The following KCNQ1 variants were observed in gnomAD, a reference collection of about 807,000 sequenced individuals.
The protein encoded by KCNQ1 is potassium voltage-gated channel subfamily KQT member 1.
A neutral mutation model predicts 72.4 loss-of-function variants in KCNQ1; 49 were observed. The ratio of observed to expected loss-of-function variants is 0.68; its 90% confidence interval spans 0.54 to 0.86. KCNQ1 has a LOEUF of 0.86. Ranked by LOEUF, KCNQ1 falls within the 40% of genes least tolerant of loss-of-function variation. The pLI, the probability that KCNQ1 is intolerant of heterozygous loss-of-function variation, is 0.00. For synonymous variants in KCNQ1, 450 were observed against 412.6 expected (o/e 1.09, Z -1.10); for missense variants, 790 against 945.1 (o/e 0.84, Z 2.15).
rs1847884406 is a variant in KCNQ1, at chr11:2,544,913, G to A, written c.477+16895G>A. Among the ~76,000 whole-genome samples the A allele has an allele frequency of 6.6e-6, 1 of 152,152 alleles. No homozygotes were observed. The highest frequency in any genetic ancestry group is 1.9e-4 in the East Asian group (1 of 5,200). On this transcript the variant is annotated intron_variant, in intron 2 of 15. Coordinates refer to ENST00000155840, the MANE Select transcript of KCNQ1 (RefSeq NM_000218.3). The surrounding 1 kb of genome is among the most constrained non-coding windows in gnomAD (Gnocchi z 4.4). ...ACACACATCATTGTTCACCGTCAAG[G>A]GTGATGTTGGCTCTGGGTTTCCATA...
At chr11:2,648,037 A>G in intron 10 of KCNQ1, 1 of 391,416 alleles carries the variant, frequency 2.6e-6, no homozygotes, top group Non-Finnish European at 4.5e-6. Flanking sequence ...AACATGGCAA[A>G]CCCCCATCTC....
rs901929177 is a variant in KCNQ1 at position 2,543,382 on chromosome 11, T to TC, written c.477+15367dup. ...TCGAATTCCTGGGCTCCGAGGATCCTCCCACCTCAGCCTCCCAAGTAGCTG... is the reference window on the plus strand; with the variant it reads ...TCGAATTCCTGGGCTCCGAGGATCCTCCCCACCTCAGCCTCCCAAGTAGCTG... On this transcript the variant is annotated intron_variant, in intron 2 of 15. Coordinates refer to ENST00000155840, the MANE Select transcript of KCNQ1 (RefSeq NM_000218.3). The surrounding 1 kb of genome is among the most constrained non-coding windows in gnomAD (Gnocchi z 5.6). 3.3e-5 allele frequency among the ~76,000 whole-genome samples: 5 copies of TC among 152,098 alleles called. No homozygotes were observed. Among genetic ancestry groups the TC allele is most frequent in the Non-Finnish European group, 7.4e-5 (5 of 68,010 alleles).
chr11:2,629,602 G>A, intron 10 of KCNQ1: 1 of 398,434 alleles, frequency 2.5e-6, no homozygotes, highest in East Asian at 3.6e-5. Context: ...ATTTGCCATT[G>A]AATGGACATG....
At chr11:2,656,888 T>G (rs1213484015) in intron 10 of KCNQ1, 1 of 398,510 alleles carries the variant, frequency 2.5e-6, no homozygotes, top group African/African-American at 2.1e-5. Context: ...CAAGAATGAA[T>G]TTTTGGTATA....
At position 2,473,340 on chromosome 11, in the gene KCNQ1, C is replaced by T. The variant is rs1846519691; in HGVS notation, c.386+27856C>T. On this transcript the variant is annotated intron_variant, in intron 1 of 15. Transcript: ENST00000155840. The surrounding 1 kb of genome is among the most constrained non-coding windows in gnomAD (Gnocchi z 6.0). ...GGACTCAGGGAGGGTTGGGGACCTC[C>T]AGGGCTTCCATTCGACCTGAGGCCC... Among the ~76,000 whole-genome samples, 6 of 152,234 alleles carry T rather than the reference C, an allele frequency of 3.9e-5. No individual in the cohort carries two copies. The South Asian group carries it at 1.2e-3, about 32-fold the overall frequency.
chr11:2,721,320 C>T (rs934546521), intron 11 of KCNQ1, among the ~76,000 whole-genome samples: 3 of 152,144 alleles, frequency 2.0e-5, no homozygotes, highest in Non-Finnish European at 2.9e-5. Context: ...CGTGAGGGAC[C>T]CCCGGGCCTC....
At chr11:2,681,817 G>A (rs1850403312) in intron 11 of KCNQ1, 3 of 398,378 alleles carry the variant, frequency 7.5e-6, no homozygotes, top group Non-Finnish European at 4.4e-6. Context: ...TCAGGTTATG[G>A]TCATATCATC....
rs1851006854 is a variant in KCNQ1, at chr11:2,711,549, G to A, written c.1514+49468G>A. Among the ~76,000 whole-genome samples, 1 of 152,068 alleles carries A rather than the reference G, an allele frequency of 6.6e-6. No homozygotes were observed. The highest frequency in any genetic ancestry group is 2.4e-5 in the African/African-American group (1 of 41,400). On this transcript the variant is annotated intron_variant, in intron 11 of 15. Transcript: ENST00000155840. This position sits in a 1 kb window ranked among gnomAD's most constrained non-coding sequence, Gnocchi z 5.4. Reference sequence around the variant, plus strand: ...CCTTGGGTGTCGCCTGCCCAGAACGGGGCTCTCGGAGGCCAGGGTGACTCC... The same window carrying A: ...CCTTGGGTGTCGCCTGCCCAGAACGAGGCTCTCGGAGGCCAGGGTGACTCC...
chr11:2,712,395 G>A lies in KCNQ1; in HGVS notation c.1514+50314G>A, dbSNP rs973889147. The stretch of plus-strand genomic sequence containing the variant: ...GCAAATGGGGCAGGAACAGGAGTCC[G>A]GCCTGGGGGATGTTAGACTCACCAG... On this transcript the variant is annotated intron_variant, in intron 11 of 15. Transcript: ENST00000155840. This position sits in a 1 kb window ranked among gnomAD's most constrained non-coding sequence, Gnocchi z 6.4. 2.0e-5 allele frequency among the ~76,000 whole-genome samples: 3 copies of A among 152,260 alleles called. No individual in the cohort carries two copies. The highest frequency in any genetic ancestry group is 4.1e-4 in the South Asian group (2 of 4,830).
At position 2,691,305 on chromosome 11, in the gene KCNQ1, T is replaced by C. The variant is rs1052067079; in HGVS notation, c.1514+29224T>C. On this transcript the variant is annotated intron_variant, in intron 11 of 15. Transcript: ENST00000155840. The surrounding 1 kb of genome is among the most constrained non-coding windows in gnomAD (Gnocchi z 6.4). ...AGGAGAGCTGACAAGAAAAAGGCGA[T>C]GTCTCACCCCTGAGCTACAATCCAC... 3.0e-5 allele frequency: 12 copies of C among 398,518 alleles called. No homozygotes were observed. Among genetic ancestry groups the C allele is most frequent in the Admixed American group, 1.3e-4 (3 of 22,722 alleles). 24.7% of individuals were successfully genotyped at this position (398,518 alleles called of 1,614,324 possible). A position where few individuals can be genotyped will look rare whatever the true frequency, so the allele number is the denominator to read the frequency against.
Position 2,673,311 on chromosome 11 carries a change from C to T in KCNQ1, c.1514+11230C>T, listed in dbSNP as rs1850220561. On this transcript the variant is annotated intron_variant, in intron 11 of 15. Coordinates refer to ENST00000155840, the MANE Select transcript of KCNQ1 (RefSeq NM_000218.3). The surrounding 1 kb of genome is among the most constrained non-coding windows in gnomAD (Gnocchi z 4.5). ...AGAAATCTTGAGAGAAACAATCCCA[C>T]AGGCTACCAGGCCAGCTTTTGGAAA... 4 of 398,784 alleles carry T rather than the reference C, an allele frequency of 1.0e-5. No homozygotes were observed. The highest frequency in any genetic ancestry group is 1.8e-5 in the Non-Finnish European group (4 of 226,164). The allele number at this position is 398,784 out of a possible 1,614,324, so 24.7% of individuals were successfully genotyped here. A position where few individuals can be genotyped will look rare whatever the true frequency, so the allele number is the denominator to read the frequency against.
In KCNQ1 at chr11:2,645,960, G is replaced by A. The variant is rs558037745; in HGVS notation, c.1394-16001G>A. 35 of 398,628 alleles carry A rather than the reference G, an allele frequency of 8.8e-5. No homozygotes were observed. The highest frequency in any genetic ancestry group is 6.8e-4 in the African/African-American group (33 of 48,706). 24.7% of individuals were successfully genotyped at this position (398,628 alleles called of 1,614,324 possible). Reference sequence around the variant, plus strand: ...AGTCTCAAGGCATCTATGGGTCAGGGGGTTCTCTGACTAGGATTTCAGGAG... The same window carrying A: ...AGTCTCAAGGCATCTATGGGTCAGGAGGTTCTCTGACTAGGATTTCAGGAG... On this transcript the variant is annotated intron_variant, in intron 10 of 15. Transcript: ENST00000155840. The surrounding 1 kb of genome is among the most constrained non-coding windows in gnomAD (Gnocchi z 5.8).
rs1406594231 is a variant in KCNQ1, at chr11:2,687,536, CT to C, written c.1514+25456del. The C allele has an allele frequency of 2.5e-6, 1 of 398,628 alleles. No individual in the cohort carries two copies. The highest frequency in any genetic ancestry group is 4.4e-6 in the Non-Finnish European group (1 of 226,174). 24.7% of individuals were successfully genotyped at this position (398,628 alleles called of 1,614,324 possible). ...CAGCCTCCTCTGTATGGTCCCTTCC[CT>C]GGTGCACCTACCACAGCCCACTCTG... On this transcript the variant is annotated intron_variant, in intron 11 of 15. Transcript: ENST00000155840. The surrounding 1 kb of genome is among the most constrained non-coding windows in gnomAD (Gnocchi z 5.0).
At chr11:2,503,586 T>C (rs1043207194) in intron 1 of KCNQ1, among the ~76,000 whole-genome samples, 8 of 151,758 alleles carry the variant, frequency 5.3e-5, no homozygotes, top group Admixed American at 4.6e-4. Context: ...ATATACCTAA[T>C]GCTAAATGAC....
rs369217358 is a variant in KCNQ1 at position 2,737,359 on chromosome 11, C to G, written c.1515-31485C>G. Among the ~76,000 whole-genome samples the G allele has an allele frequency of 1.5e-4, 23 of 152,310 alleles. No individual in the cohort carries two copies. In the East Asian group the frequency reaches 3.3e-3, roughly 22 times the overall value. The stretch of plus-strand genomic sequence containing the variant: ...CTCTCTGTCCCAGGAAGCTGCTCTC[C>G]TGGGGCATGTGCACCTCAAGTGGGT... On this transcript the variant is annotated intron_variant, in intron 11 of 15. Coordinates refer to ENST00000155840, the MANE Select transcript of KCNQ1 (RefSeq NM_000218.3).
chr11:2,805,013 G>C (rs1435893071), intron 15 of KCNQ1, among the ~76,000 whole-genome samples: 2 of 152,182 alleles, frequency 1.3e-5, no homozygotes, highest in Admixed American at 6.5e-5. Flanking sequence ...TGAGGCCCCC[G>C]GGGTAAAAAT....
In KCNQ1 at chr11:2,676,589, G is replaced by A. The variant is rs192605042; in HGVS notation, c.1514+14508G>A. 1.7e-4 allele frequency: 67 copies of A among 398,664 alleles called. No homozygotes were observed. Among genetic ancestry groups the A allele is most frequent in the Admixed American group, 5.7e-4 (13 of 22,740 alleles). 24.7% of individuals were successfully genotyped at this position (398,664 alleles called of 1,614,324 possible). A position where few individuals can be genotyped will look rare whatever the true frequency, so the allele number is the denominator to read the frequency against. On this transcript the variant is annotated intron_variant, in intron 11 of 15. Coordinates refer to ENST00000155840, the MANE Select transcript of KCNQ1 (RefSeq NM_000218.3). This position sits in a 1 kb window ranked among gnomAD's most constrained non-coding sequence, Gnocchi z 4.2. ...GGACCATCATACTGGGTATTCAACA[G>A]CCAGCTCTCCAAAGAGGCCTCTAAG...
At chr11:2,532,606 G>A (rs1847659817) in intron 2 of KCNQ1, among the ~76,000 whole-genome samples, 1 of 152,194 alleles carries the variant, frequency 6.6e-6, no homozygotes, top group Admixed American at 6.5e-5. Flanking sequence ...CTCTGGGTGG[G>A]GAGACAGTGA....
intron 11 of KCNQ1, 122 bp downstream of exon 11, chr11:2,662,203 C>T: frequency 7.3e-7 from 1 of 1,362,076 alleles, no homozygotes; most frequent in South Asian, 1.3e-5. Flanking sequence ...TAGTGCCCAC[C>T]ACTTGCCGTC....
Sources: gnomAD v4.1 joint callset for allele counts (sites outside exome capture counted in the v4.1 genomes callset) on GRCh38, gnomAD v4.1.1 for gene constraint, Gnocchi (gnomAD v3.1) non-coding constraint, MANE v1.5 for transcripts, NCBI Gene and HGNC (gene_info 2026-07-23, HGNC 2026-07-21) for gene names.